RAD52: variants seen among roughly 807,000 people sequenced by gnomAD.
RAD52 encodes DNA repair protein RAD52 homolog.
A neutral mutation model predicts 55.5 loss-of-function variants in RAD52; 47 were observed. The ratio of observed to expected loss-of-function variants is 0.85; its 90% CI spans 0.67 to 1.08. The LOEUF (loss-of-function observed/expected upper bound fraction) is 1.08, where lower values mean the gene tolerates loss of function less well. Ranked by LOEUF, RAD52 falls within the 50% of genes least tolerant of loss-of-function variation. The probability of loss-of-function intolerance (pLI) is 0.00; values close to 1 mark genes in which losing one functional copy is unlikely to be tolerated. For synonymous variants in RAD52, 184 were observed against 198.9 expected (o/e 0.92, Z 0.63); for missense variants, 468 against 522.8 (o/e 0.90, Z 1.02).
chr12:989,704 TTAAG>T (rs1419469002), intron 1 of RAD52: 3 of 152,184 alleles, frequency 2.0e-5, no homozygotes, highest in Non-Finnish European at 2.9e-5. Flanking sequence ...CACTTTACAG[TTAAG>T]TAAGACCACA....
intron 1 of RAD52, among the ~76,000 whole-genome samples, chr12:937,388 T>G (rs1471265566): frequency 6.6e-6 from 1 of 151,654 alleles, no homozygotes; most frequent in Non-Finnish European, 1.5e-5. Context: ...TACCCAGGTA[T>G]AGCAGACACT....
Position 913,291 on chromosome 12 carries a change from T to A in RAD52, c.*100A>T, listed in dbSNP as rs1003548474. ...CAGAATGAAGCAAGATAAATCGCAA[T>A]GACGTTCATTCTCCAGCAGCGATGA... is the stretch of plus-strand genomic sequence containing the variant. On this transcript the variant is annotated 3_prime_UTR_variant, in exon 12 of 12. Transcript: ENST00000358495. 1.2e-4 allele frequency: 105 copies of A among 888,030 alleles called. No homozygotes were observed. The highest frequency in any genetic ancestry group is 3.5e-4 in the Admixed American group (16 of 46,118). The allele number at this position is 888,030 out of a possible 1,614,324, so 55.0% of individuals were successfully genotyped here.
chr12:919,910 G>A (rs1303245718), intron 7 of RAD52, among the ~76,000 whole-genome samples: 2 of 118,208 alleles, frequency 1.7e-5, no homozygotes, highest in African/African-American at 7.0e-5. Flanking sequence ...AAATTAGCTG[G>A]GTGTGGTGGC....
At chr12:977,603 CT>C (rs772067654) in intron 1 of RAD52, among the ~76,000 whole-genome samples, 11 of 152,292 alleles carry the variant, frequency 7.2e-5, no homozygotes, top group African/African-American at 1.9e-4. Context: ...CTTTGGGACC[CT>C]ATCCTGCCCT....
At chr12:985,725 C>T (rs1052487054) in intron 1 of RAD52, among the ~76,000 whole-genome samples, 6 of 152,158 alleles carry the variant, frequency 3.9e-5, no homozygotes, top group African/African-American at 1.4e-4. Context: ...TCATTGCAAC[C>T]TCCGGCTCCC....
In RAD52 at chr12:981,415, T is replaced by C. The variant is rs1000550477; in HGVS notation, c.-19+8394A>G. ...TATCCAAATCAGGTGTGGGTGATACTTGAGATATGAGTCATTCTGCGGCAA... is the reference window on the plus strand; with the variant it reads ...TATCCAAATCAGGTGTGGGTGATACCTGAGATATGAGTCATTCTGCGGCAA... On this transcript the variant is annotated intron_variant, in intron 1 of 11. Transcript: ENST00000430095. Among the ~76,000 whole-genome samples the C allele has an allele frequency of 1.1e-4, 16 of 152,090 alleles. No homozygotes were observed. In the East Asian group the frequency reaches 1.9e-3, roughly 18 times the overall value.
intron 1 of RAD52, among the ~76,000 whole-genome samples, chr12:957,556 C>T (rs1426171640): frequency 1.3e-5 from 2 of 150,104 alleles, no homozygotes; most frequent in African/African-American, 4.9e-5. Context: ...GAGGCCAAGG[C>T]GGGTCAATCA....
intron 1 of RAD52, among the ~76,000 whole-genome samples, chr12:987,889 A>C (rs927435689): frequency 6.6e-6 from 1 of 152,088 alleles, no homozygotes; most frequent in Non-Finnish European, 1.5e-5. Flanking sequence ...TTTTGAAATA[A>C]GGTCTCTTGC....
At chr12:950,305 C>T (rs1958492209), upstream of RAD52, among the ~76,000 whole-genome samples, 1 of 152,170 alleles carries the variant, frequency 6.6e-6, no homozygotes, top group South Asian at 2.1e-4. Context: ...GGCGTGGTGG[C>T]TCAGGCCTGT....
At chr12:984,590 G>A (rs1183608457) in intron 1 of RAD52, among the ~76,000 whole-genome samples, 1 of 151,950 alleles carries the variant, frequency 6.6e-6, no homozygotes, top group Non-Finnish European at 1.5e-5. Flanking sequence ...TTTACTTAGT[G>A]TAAGGTCTTT....
chr12:920,349 T>G lies in RAD52; in HGVS notation c.544-3529A>C, dbSNP rs1166533862. On this transcript the variant is annotated intron_variant, in intron 7 of 11. Coordinates refer to ENST00000358495, the MANE Select transcript of RAD52 (RefSeq NM_134424.4). The stretch of plus-strand genomic sequence containing the variant: ...AGGTGGGCAGATCACGAGGTCAGGA[T>G]ATCGAGACCATCCTGGCTAACATGG... Among the ~76,000 whole-genome samples the G allele has an allele frequency of 1.1e-4, 13 of 116,728 alleles. 2 individuals carry two copies. The highest frequency in any genetic ancestry group is 5.9e-4 in the Admixed American group (7 of 11,942). 76.6% of individuals were successfully genotyped at this position (116,728 alleles called of 152,430 possible).
chr12:934,103 CA>C (rs528889211), intron 1 of RAD52, among the ~76,000 whole-genome samples: 73 of 64,240 alleles, frequency 1.1e-3, no homozygotes, highest in Non-Finnish European at 1.4e-3. Flanking sequence ...GACTCTGTCT[CA>C]AAAAAAAAAA....
chr12:926,429 A>G (rs1003631092), intron 6 of RAD52, among the ~76,000 whole-genome samples: 16 of 152,086 alleles, frequency 1.1e-4, no homozygotes, highest in Non-Finnish European at 1.9e-4. Context: ...ACTTCAGCCC[A>G]GGAGTTCAAG....
At chr12:970,816 A>C (rs1021602679) in intron 1 of RAD52, among the ~76,000 whole-genome samples, 2 of 152,076 alleles carry the variant, frequency 1.3e-5, no homozygotes, top group Non-Finnish European at 2.9e-5. Flanking sequence ...CAGCAAAGGG[A>C]ATGTTCTATT....
rs549921100 is a variant in RAD52, at chr12:965,801, C to A, written c.-19+24008G>T. ...TCCAGGTTCAAGTGATTTTTCATGC[C>A]TCAGCCTCCTAAGTAGCTGGGATTA... On this transcript the variant is annotated intron_variant, in intron 1 of 11. Transcript: ENST00000430095. Among the ~76,000 whole-genome samples, 7 of 152,030 alleles carry A rather than the reference C, an allele frequency of 4.6e-5. No homozygotes were observed. The South Asian group carries it at 1.0e-3, about 22-fold the overall frequency.
chr12:978,274 C>T (rs1189216760), intron 1 of RAD52, among the ~76,000 whole-genome samples: 8 of 151,632 alleles, frequency 5.3e-5, no homozygotes, highest in Middle Eastern at 3.2e-3. Flanking sequence ...AGGCTGGTCT[C>T]GAACTCCTGA....
In RAD52 at chr12:916,643, A is replaced by C. The variant is rs1956401206; in HGVS notation, c.721T>G (p.Ser241Ala). 1.2e-6 allele frequency: 2 copies of C among 1,612,648 alleles called. No individual in the cohort carries two copies. The highest frequency in any genetic ancestry group is 2.2e-5 in the South Asian group (2 of 91,046). ...AVIPADQDCSSRSLSSSAVES... is the reference protein window; with the variant it reads ...AVIPADQDCSARSLSSSAVES... ...GAGGGGACTTAGGCCGCATACCGGGAGCTGCAGTCCTGGTCCGCCGGTATC... is the reference window on the plus strand; with the variant it reads ...GAGGGGACTTAGGCCGCATACCGGGCGCTGCAGTCCTGGTCCGCCGGTATC... Residue 241 changes from serine to alanine, a missense_variant, in exon 8 of 12, where the codon TCC becomes GCC. By Grantham distance (99) the Ser-to-Ala change is moderately conservative (BLOSUM62 1). Transcript: ENST00000358495.
chr12:978,637 C>G (rs1295545946), intron 1 of RAD52, among the ~76,000 whole-genome samples: 1 of 152,040 alleles, frequency 6.6e-6, no homozygotes, highest in Non-Finnish European at 1.5e-5. Context: ...CCCGTCTCCA[C>G]TAAAATACAA....
At chr12:982,125 A>T (rs1304961037) in intron 1 of RAD52, among the ~76,000 whole-genome samples, 1 of 152,212 alleles carries the variant, frequency 6.6e-6, no homozygotes, top group East Asian at 1.9e-4. Context: ...CTTAAAGGGT[A>T]ACATGTGTTC....
Sources: allele counts gnomAD v4.1 joint callset (sites outside exome capture counted in the v4.1 genomes callset), GRCh38; gene constraint gnomAD v4.1.1; transcripts MANE v1.5; gene names NCBI Gene and HGNC (gene_info 2026-07-23, HGNC 2026-07-21).